Variants in DCLK3 observed in about 807,000 individuals in gnomAD.
DCLK3 encodes doublecortin like kinase 3.
Under a neutral mutation model 46.4 loss-of-function variants are expected in DCLK3, and 30 were observed. The observed-to-expected ratio is 0.65, with a 90% CI of 0.48 to 0.88. The LOEUF (loss-of-function observed/expected upper bound fraction) is 0.88. DCLK3 is among the 40% of genes least tolerant of loss of function. DCLK3 has a pLI of 0.00. For synonymous variants in DCLK3, 401 were observed against 339.2 expected, an observed-to-expected ratio of 1.18 and a Z score of -2.00; for missense variants, 846 against 907.1, an observed-to-expected ratio of 0.93 and a Z score of 0.87.
At chr3:36,756,140 G>A (rs964337898) in intron 1 of DCLK3, among the ~76,000 whole-genome samples, 1 of 152,236 alleles carries the variant, frequency 6.6e-6, no homozygotes, top group Non-Finnish European at 1.5e-5. Flanking sequence ...GAAAAGTGAA[G>A]TAGGACAGTG....
intron 2 of DCLK3, among the ~76,000 whole-genome samples, chr3:36,725,855 C>T (rs575982087): frequency 7.9e-5 from 12 of 152,184 alleles, no homozygotes; most frequent in Non-Finnish European, 1.6e-4. Context: ...ATGCTCCTTC[C>T]TTTTTCCCAT....
chr3:36,735,227 C>T (rs1284937036), intron 2 of DCLK3, among the ~76,000 whole-genome samples: 1 of 152,082 alleles, frequency 6.6e-6, no homozygotes, highest in Non-Finnish European at 1.5e-5. Context: ...GCAAAGTGTC[C>T]ATAATAAAGA....
Position 36,722,656 on chromosome 3 carries a change from T to A in DCLK3, c.1960-997A>T, listed in dbSNP as rs148221881. Among the ~76,000 whole-genome samples the A allele has an allele frequency of 6.9e-4, 105 of 152,310 alleles. No individual in the cohort carries two copies. The East Asian group carries it at 0.017, about 24-fold the overall frequency. On this transcript the variant is annotated intron_variant, in intron 2 of 4. Transcript: ENST00000636136. ...CCCATGCTGTTCTCATGATAGTGAA[T>A]CAATCTCATGAGATCTGACAGTTTT...
chr3:36,715,205 T>C lies in DCLK3; in HGVS notation c.*123A>G, dbSNP rs964429777. The C allele has an allele frequency of 1.9e-6, 2 of 1,054,986 alleles. No individual in the cohort carries two copies. Among genetic ancestry groups the C allele is most frequent in the African/African-American group, 3.3e-5 (2 of 60,988 alleles). 65.4% of individuals were successfully genotyped at this position (1,054,986 alleles called of 1,614,324 possible). On this transcript the variant is annotated 3_prime_UTR_variant, in exon 5 of 5. Transcript: ENST00000636136. ...TTAATATGCTTTAAAATATACTCAG[T>C]GTCTCTCCCTCTGATTCACCAATTA... is the stretch of plus-strand genomic sequence containing the variant.
chr3:36,733,154 C>T (rs1507878), intron 2 of DCLK3, among the ~76,000 whole-genome samples: 19,610 of 152,162 alleles, frequency 0.13, 1,648 homozygotes, highest in Non-Finnish European at 0.19. Context: ...CAAGCTGAGA[C>T]CTGTTCCCAC....
At position 36,737,891 on chromosome 3, in the gene DCLK3, G is replaced by T; in HGVS notation, c.1276C>A (p.Leu426Met). The change falls in exon 2 of 5, where the codon CTG becomes ATG. Residue 426 changes from leucine (L) to methionine (M), a missense_variant. Leu to Met is a conservative substitution (Grantham distance 15). Transcript: ENST00000636136. The surrounding 1 kb of genome is among the most constrained non-coding windows in gnomAD (Gnocchi z 4.4). ...CTGGTGTCCTTCTTCACCTCCCTCA[G>T]CCCCTCCTCTGTGACAGGAAGAACT... ...VEVLPVTEEG[L>M]REVKKDTRPM... is the part of the protein sequence containing the mutation. The T allele has an allele frequency of 1.9e-6, 3 of 1,613,896 alleles. No individual in the cohort carries two copies. Among genetic ancestry groups the T allele is most frequent in the Non-Finnish European group, 2.5e-6 (3 of 1,180,008 alleles).
At chr3:36,727,912 A>C (rs1387309633) in intron 2 of DCLK3, among the ~76,000 whole-genome samples, 2 of 152,160 alleles carry the variant, frequency 1.3e-5, no homozygotes, top group African/African-American at 4.8e-5. Context: ...TCCTATCTTA[A>C]ACCTTGAAAT....
At chr3:36,762,662 C>T (rs2125541148) in intron 1 of DCLK3, among the ~76,000 whole-genome samples, 2 of 152,304 alleles carry the variant, frequency 1.3e-5, no homozygotes, top group Middle Eastern at 6.8e-3. Flanking sequence ...TCCCTACAAA[C>T]ATAGGCTCTG....
intron 1 of DCLK3, among the ~76,000 whole-genome samples, chr3:36,748,010 A>G (rs540113323): frequency 4.6e-5 from 7 of 152,214 alleles, no homozygotes; most frequent in Non-Finnish European, 1.0e-4. Context: ...AGTGGGGGTG[A>G]GGGGATCATA....
In DCLK3 at chr3:36,759,900, A is replaced by G. The variant is rs527997606; in HGVS notation, c.82+4282T>C. Among the ~76,000 whole-genome samples, 5 of 152,262 alleles carry G rather than the reference A, an allele frequency of 3.3e-5. No individual in the cohort carries two copies. In the South Asian group the frequency reaches 1.0e-3, roughly 32 times the overall value. ...AGAGTGCTCATCTCACCATATCATAATCGTACATTTCTATGTCTCACACCT... is the reference window on the plus strand; with the variant it reads ...AGAGTGCTCATCTCACCATATCATAGTCGTACATTTCTATGTCTCACACCT... On this transcript the variant is annotated intron_variant, in intron 1 of 4. Transcript: ENST00000636136.
Position 36,715,591 on chromosome 3 carries a change from A to G in DCLK3, c.2261-70T>C, listed in dbSNP as rs1700968826. 5 of 1,480,782 alleles carry G rather than the reference A, an allele frequency of 3.4e-6. No homozygotes were observed. The South Asian group carries it at 6.9e-5, about 21-fold the overall frequency. The allele number at this position is 1,480,782 out of a possible 1,614,324, so 91.7% of individuals were successfully genotyped here. On this transcript the variant is annotated intron_variant, in intron 4 of 4. Coordinates refer to ENST00000636136, the MANE Select transcript of DCLK3 (RefSeq NM_001394672.2). ...TCTGAATTTTTCTTCCCCACACATG[A>G]AATAAGAACATAAACATTCACGTCA...
chr3:36,736,932 C>T (rs1701270255), intron 2 of DCLK3, among the ~76,000 whole-genome samples: 1 of 152,198 alleles, frequency 6.6e-6, no homozygotes, highest in African/African-American at 2.4e-5. Flanking sequence ...CACGTAGTCA[C>T]TATCAAGACA....
At chr3:36,742,605 T>C (rs928852760) in intron 1 of DCLK3, among the ~76,000 whole-genome samples, 1 of 152,214 alleles carries the variant, frequency 6.6e-6, no homozygotes, top group Admixed American at 6.5e-5. Context: ...TGGGTCCTAC[T>C]GAAATTGCAC....
intron 2 of DCLK3, among the ~76,000 whole-genome samples, chr3:36,731,044 C>T (rs1701192558): frequency 6.6e-6 from 1 of 152,016 alleles, no homozygotes. Flanking sequence ...ATGACCTTGG[C>T]TTTTATTCTG....
At chr3:36,735,495 T>A (rs1701249919) in intron 2 of DCLK3, among the ~76,000 whole-genome samples, 1 of 152,240 alleles carries the variant, frequency 6.6e-6, no homozygotes, top group Non-Finnish European at 1.5e-5. Context: ...CACTGGATAA[T>A]TAGCTTGACT....
chr3:36,748,260 C>G (rs932289383), intron 1 of DCLK3, among the ~76,000 whole-genome samples: 2 of 152,126 alleles, frequency 1.3e-5, no homozygotes, highest in African/African-American at 4.8e-5. Flanking sequence ...GCCTGGGGAG[C>G]AATGAGAAAG....
Position 36,718,091 on chromosome 3 carries a change from T to A in DCLK3, c.2179A>T (p.Arg727Trp). ...ATGTTAAAGAGCTCGTCCTGGTCCC[T>A]CTCAGGGCTGCGGAATGGGGGAAAG... ...CGFPPFRSPERDQDELFNIIQ... is the reference protein window; with the variant it reads ...CGFPPFRSPEWDQDELFNIIQ... The change falls in exon 4 of 5, where the codon AGG becomes TGG. Residue 727 changes from arginine (R) to tryptophan (W), a missense_variant. Physicochemically the swap from Arg to Trp is moderately radical, Grantham distance 101. This residue lies in a region of DCLK3 where 247 missense variants were observed against 322.8 expected (regional missense o/e 0.77). Transcript: ENST00000636136. The A allele has an allele frequency of 6.2e-7, 1 of 1,614,096 alleles. No individual in the cohort carries two copies. The highest frequency in any genetic ancestry group is 8.5e-7 in the Non-Finnish European group (1 of 1,180,022).
At chr3:36,750,347 G>C (rs971273003) in intron 1 of DCLK3, among the ~76,000 whole-genome samples, 1 of 152,180 alleles carries the variant, frequency 6.6e-6, no homozygotes, top group Non-Finnish European at 1.5e-5. Flanking sequence ...CTCCCAAAGC[G>C]CTGGGATTAC....
At chr3:36,760,102 A>G (rs1212493875) in intron 1 of DCLK3, among the ~76,000 whole-genome samples, 2 of 152,194 alleles carry the variant, frequency 1.3e-5, no homozygotes, top group African/African-American at 4.8e-5. Flanking sequence ...GGTTTGATCC[A>G]TTATCTACCC....
Sources: allele counts gnomAD v4.1 joint callset (sites outside exome capture counted in the v4.1 genomes callset), GRCh38; gene constraint gnomAD v4.1.1; regional missense constraint gnomAD v4.1.1; non-coding constraint Gnocchi (gnomAD v3.1); transcripts MANE v1.5; gene names NCBI Gene and HGNC (gene_info 2026-07-23, HGNC 2026-07-21).